HS3ST4: variants seen among roughly 807,000 people sequenced by gnomAD.
The protein encoded by HS3ST4 is heparan sulfate glucosamine 3-O-sulfotransferase 4.
HS3ST4 carries 17 observed loss-of-function variants against 29.2 expected under a neutral mutation model. That is an observed-to-expected ratio of 0.58 (90% CI 0.40 to 0.87). HS3ST4 has a LOEUF of 0.87. HS3ST4 is among the 40% of genes least tolerant of loss of function. The probability of loss-of-function intolerance (pLI) is 0.00; values close to 1 mark genes in which losing one functional copy is unlikely to be tolerated. For synonymous variants in HS3ST4, 314 were observed against 285.7 expected, an observed-to-expected ratio of 1.10 and a Z score of -1.00; for missense variants, 627 against 634.5, an observed-to-expected ratio of 0.99 and a Z score of 0.13.
intron 1 of HS3ST4, among the ~76,000 whole-genome samples, chr16:26,057,485 T>C (rs1898424006): frequency 6.6e-6 from 1 of 152,176 alleles, no homozygotes; most frequent in Non-Finnish European, 1.5e-5. Context: ...CTGGGCGCGG[T>C]GGCTCACGCC....
intron 1 of HS3ST4, among the ~76,000 whole-genome samples, chr16:26,060,816 C>T (rs532489051): frequency 2.6e-5 from 4 of 152,298 alleles, no homozygotes; most frequent in South Asian, 2.1e-4. Flanking sequence ...ACCCTGCGAT[C>T]GGTTGGCTGG....
At chr16:25,866,947 A>G (rs1397169315) in intron 1 of HS3ST4, among the ~76,000 whole-genome samples, 4 of 152,112 alleles carry the variant, frequency 2.6e-5, no homozygotes, top group African/African-American at 7.2e-5. Flanking sequence ...CAGAATCTCT[A>G]TTTCACGGGC....
At chr16:25,999,958 GT>G (rs1475980758) in intron 1 of HS3ST4, among the ~76,000 whole-genome samples, 2 of 145,528 alleles carry the variant, frequency 1.4e-5, no homozygotes, top group Non-Finnish European at 3.0e-5. Flanking sequence ...TTAATGGTCT[GT>G]ACTGCAATGT....
chr16:26,022,081 G>A (rs1466305822), intron 1 of HS3ST4, among the ~76,000 whole-genome samples: 1 of 152,106 alleles, frequency 6.6e-6, no homozygotes, highest in Non-Finnish European at 1.5e-5. Flanking sequence ...TCCTGCCTCA[G>A]CCTCCCAAGT....
chr16:25,745,649 G>A (rs1188402378), intron 1 of HS3ST4, among the ~76,000 whole-genome samples: 2 of 152,130 alleles, frequency 1.3e-5, no homozygotes, highest in Non-Finnish European at 2.9e-5. Flanking sequence ...GTATCACCCA[G>A]AAAAATTCCA....
chr16:26,017,216 A>AT (rs1969370760), intron 1 of HS3ST4, among the ~76,000 whole-genome samples: 2 of 152,238 alleles, frequency 1.3e-5, no homozygotes, highest in Admixed American at 1.3e-4. Flanking sequence ...ATCCTAAAAC[A>AT]TTTAGCATTC....
At chr16:25,865,479 A>G (rs1422272121) in intron 1 of HS3ST4, among the ~76,000 whole-genome samples, 1 of 150,074 alleles carries the variant, frequency 6.7e-6, no homozygotes, top group African/African-American at 2.4e-5. Context: ...ATGTCTCTTC[A>G]GGTCCTTTGC....
chr16:25,917,572 T>A (rs1291801845), intron 1 of HS3ST4, among the ~76,000 whole-genome samples: 2 of 152,180 alleles, frequency 1.3e-5, no homozygotes, highest in African/African-American at 4.8e-5. Context: ...GTGGACTATG[T>A]GGAGTGAGTA....
chr16:25,746,373 A>T (rs1472905865), intron 1 of HS3ST4, among the ~76,000 whole-genome samples: 1 of 152,152 alleles, frequency 6.6e-6, no homozygotes, highest in African/African-American at 2.4e-5. Context: ...CCAAACAAAT[A>T]ATGGGATTAG....
chr16:25,912,719 G>A (rs1461599161), intron 1 of HS3ST4, among the ~76,000 whole-genome samples: 1 of 152,168 alleles, frequency 6.6e-6, no homozygotes, highest in Non-Finnish European at 1.5e-5. Flanking sequence ...CACTGACTGC[G>A]GTTGCTGAAG....
Position 25,942,444 on chromosome 16 carries a change from G to C in HS3ST4, c.735-193168G>C, listed in dbSNP as rs564816561. On this transcript the variant is annotated intron_variant, in intron 1 of 1. Transcript: ENST00000331351. Reference sequence around the variant, plus strand: ...GAGAAGGGTCATCTGGAAGTACAGAGAGGTCCTCTGCCATTCAAAATCCTT... The same window carrying C: ...GAGAAGGGTCATCTGGAAGTACAGACAGGTCCTCTGCCATTCAAAATCCTT... Among the ~76,000 whole-genome samples, 4 of 152,228 alleles carry C rather than the reference G, an allele frequency of 2.6e-5. No homozygotes were observed. In the South Asian group the frequency reaches 8.3e-4, roughly 32 times the overall value.
chr16:25,834,808 G>T (rs961725566), intron 1 of HS3ST4, among the ~76,000 whole-genome samples: 2 of 152,070 alleles, frequency 1.3e-5, no homozygotes, highest in African/African-American at 2.4e-5. Flanking sequence ...TTAGCTGGGT[G>T]TGGGGGCACG....
chr16:25,772,229 T>C (rs1384107765), intron 1 of HS3ST4, among the ~76,000 whole-genome samples: 2 of 152,232 alleles, frequency 1.3e-5, no homozygotes, highest in East Asian at 3.8e-4. Flanking sequence ...AACATTATCT[T>C]AGTTGCCTAA....
chr16:25,940,356 C>G (rs1968560925), intron 1 of HS3ST4, among the ~76,000 whole-genome samples: 1 of 151,954 alleles, frequency 6.6e-6, no homozygotes, highest in Non-Finnish European at 1.5e-5. Context: ...GGCACCAGGC[C>G]AAAGAGGAGG....
At chr16:25,925,798 G>T (rs1365975214) in intron 1 of HS3ST4, among the ~76,000 whole-genome samples, 1 of 152,164 alleles carries the variant, frequency 6.6e-6, no homozygotes, top group Non-Finnish European at 1.5e-5. Context: ...TAGTGCAACA[G>T]TGTGCCTGTT....
intron 1 of HS3ST4, among the ~76,000 whole-genome samples, chr16:25,832,589 G>C (rs565462433): frequency 6.6e-6 from 1 of 152,110 alleles, no homozygotes; most frequent in African/African-American, 2.4e-5. Context: ...TTATGAAATC[G>C]TTGTGTTTAT....
intron 1 of HS3ST4, among the ~76,000 whole-genome samples, chr16:25,773,652 TA>T (rs1412747980): frequency 2.0e-5 from 3 of 152,144 alleles, no homozygotes; most frequent in South Asian, 2.1e-4. Flanking sequence ...GAAAACAGGT[TA>T]AAAAAATTCA....
At chr16:25,873,235 TATCCATCCAGCTAGCAAGCCATCC>T (rs1460932458) in intron 1 of HS3ST4, among the ~76,000 whole-genome samples, 3 of 150,890 alleles carry the variant, frequency 2.0e-5, no homozygotes, top group African/African-American at 7.3e-5. Context: ...TCCATCCACC[TATCCATCCAGCTAGCAAGCCATCC>T]ATCCATCCAT....
At chr16:25,751,620 C>A (rs537086928) in intron 1 of HS3ST4, among the ~76,000 whole-genome samples, 1 of 152,274 alleles carries the variant, frequency 6.6e-6, no homozygotes, top group African/African-American at 2.4e-5. Flanking sequence ...AACAGACCTG[C>A]ATTTCACTCC....
Sources: allele counts gnomAD v4.1 joint callset (sites outside exome capture counted in the v4.1 genomes callset), GRCh38; gene constraint gnomAD v4.1.1; transcripts MANE v1.5; gene names NCBI Gene and HGNC (gene_info 2026-07-23, HGNC 2026-07-21).